The following AKAP13 variants were observed in gnomAD, a reference collection of about 807,000 sequenced individuals.
AKAP13 encodes the protein A-kinase anchor protein 13.
A neutral mutation model predicts 264.5 loss-of-function variants in AKAP13; 80 were observed. The observed-to-expected ratio is 0.30, with a 90% CI of 0.25 to 0.36. The LOEUF (loss-of-function observed/expected upper bound fraction) is 0.36. Among genes scored for constraint, AKAP13 ranks in the 10% least tolerant of loss-of-function variants. AKAP13 has a pLI of 1.00. For synonymous variants in AKAP13, 1,380 were observed against 1,250.2 expected (o/e 1.10, Z -2.19); for missense variants, 3,712 against 3,435.2 (o/e 1.08, Z -2.01).
chr15:85,459,750 C>T (rs1164930277), intron 1 of AKAP13, among the ~76,000 whole-genome samples: 1 of 152,142 alleles, frequency 6.6e-6, no homozygotes, highest in African/African-American at 2.4e-5. Flanking sequence ...CCGCCTGCCT[C>T]AGCCTCCCAA....
chr15:85,675,168 C>T (rs1461884761), intron 14 of AKAP13, among the ~76,000 whole-genome samples: 1 of 152,176 alleles, frequency 6.6e-6, no homozygotes, highest in Non-Finnish European at 1.5e-5. Flanking sequence ...TTTTGTGACA[C>T]ATGAAGGAGA....
intron 1 of AKAP13, among the ~76,000 whole-genome samples, chr15:85,483,047 T>C (rs921387531): frequency 6.6e-5 from 10 of 152,234 alleles, no homozygotes; most frequent in African/African-American, 2.2e-4. Context: ...TAGAGGAGTT[T>C]ATAATTCCGA....
rs147545263 is a variant in AKAP13 at position 85,572,957 on chromosome 15, A to G, written c.663-2174A>G. On this transcript the variant is annotated intron_variant, in intron 5 of 36. Coordinates refer to ENST00000394518, the MANE Select transcript of AKAP13 (RefSeq NM_007200.5). The stretch of plus-strand genomic sequence containing the variant: ...TTCCTGTGTTAGTTTGCTGAGAACG[A>G]TGGTTTCTAGCTTCATCCATTTCTC... Among the ~76,000 whole-genome samples the G allele has an allele frequency of 4.3e-3, 660 of 152,316 alleles. 3 individuals are homozygous for G. Among genetic ancestry groups the G allele is most frequent in the Non-Finnish European group, 6.1e-3 (418 of 68,044 alleles).
chr15:85,525,414 T>G (rs1171343651), intron 3 of AKAP13, among the ~76,000 whole-genome samples: 1 of 152,188 alleles, frequency 6.6e-6, no homozygotes, highest in Non-Finnish European at 1.5e-5. Flanking sequence ...TAGTAATTTT[T>G]GATGAAAACA....
rs550162059 is a variant in AKAP13, at chr15:85,534,067, A to G, written c.478+187A>G. 21 of 593,526 alleles carry G rather than the reference A, an allele frequency of 3.5e-5. No individual in the cohort carries two copies. In the East Asian group the frequency reaches 6.3e-4, roughly 18 times the overall value. The allele number at this position is 593,526 out of a possible 1,614,324, so 36.8% of individuals were successfully genotyped here. A position where few individuals can be genotyped will look rare whatever the true frequency, so the allele number is the denominator to read the frequency against. On this transcript the variant is annotated intron_variant, in intron 4 of 36. Coordinates refer to ENST00000394518, the MANE Select transcript of AKAP13 (RefSeq NM_007200.5). ...AGGTTCTTCAATTGAGCTGTTAAGCATGTTGTTGCAGCGAAATGACCCTAG... is the reference window on the plus strand; with the variant it reads ...AGGTTCTTCAATTGAGCTGTTAAGCGTGTTGTTGCAGCGAAATGACCCTAG...
At chr15:85,503,608 G>A (rs945176065) in intron 2 of AKAP13, among the ~76,000 whole-genome samples, 4 of 152,178 alleles carry the variant, frequency 2.6e-5, no homozygotes, top group Non-Finnish European at 5.9e-5. Flanking sequence ...TGACGATTGT[G>A]CAAACCTGAT....
intron 8 of AKAP13, among the ~76,000 whole-genome samples, chr15:85,637,123 A>T (rs1377495479): frequency 2.0e-5 from 3 of 152,178 alleles, no homozygotes; most frequent in Non-Finnish European, 4.4e-5. Context: ...GTTTTCTTAT[A>T]TCTGTCTGGT....
intron 33 of AKAP13, among the ~76,000 whole-genome samples, chr15:85,736,774 T>C (rs1482983736): frequency 2.0e-5 from 3 of 152,182 alleles, no homozygotes; most frequent in African/African-American, 4.8e-5. Context: ...CTAAGCACAC[T>C]GAGTAGAATT....
intron 30 of AKAP13, among the ~76,000 whole-genome samples, chr15:85,734,166 C>T (rs990721957): frequency 1.3e-5 from 2 of 152,082 alleles, no homozygotes; most frequent in Non-Finnish European, 2.9e-5. Context: ...GTTTTGGTCA[C>T]CTATTTTATG....
At chr15:85,542,250 C>T (rs1453395715) in intron 4 of AKAP13, among the ~76,000 whole-genome samples, 1 of 152,160 alleles carries the variant, frequency 6.6e-6, no homozygotes, top group African/African-American at 2.4e-5. Flanking sequence ...GCTTCTGGGG[C>T]ATAATCTTTC....
At chr15:85,467,980 G>A (rs967571288) in intron 1 of AKAP13, among the ~76,000 whole-genome samples, 3 of 152,144 alleles carry the variant, frequency 2.0e-5, no homozygotes, top group Non-Finnish European at 2.9e-5. Context: ...ACTCAAATTT[G>A]CACATTTTAA....
intron 8 of AKAP13, among the ~76,000 whole-genome samples, chr15:85,631,034 A>G (rs1273254458): frequency 6.6e-6 from 1 of 152,198 alleles, no homozygotes; most frequent in African/African-American, 2.4e-5. Context: ...ATTTCCATCA[A>G]CTGATGCATA....
intron 2 of AKAP13, among the ~76,000 whole-genome samples, chr15:85,503,126 G>C: frequency 6.6e-6 from 1 of 152,078 alleles, no homozygotes; most frequent in East Asian, 1.9e-4. Context: ...CGTGGTAAGG[G>C]GATTAAATGG....
intron 1 of AKAP13, among the ~76,000 whole-genome samples, chr15:85,425,905 A>T (rs953935510): frequency 9.1e-5 from 13 of 143,226 alleles, no homozygotes; most frequent in East Asian, 2.0e-4. Flanking sequence ...AGATCGGTTT[A>T]AAAAAAAAAA....
chr15:85,543,560 A>G lies in AKAP13; in HGVS notation c.479-212A>G, dbSNP rs886100254. On this transcript the variant is annotated intron_variant, in intron 4 of 36. Transcript: ENST00000394518. ...TGTTCGATTGAAGATTTTGCTTCCT[A>G]TACTTTCTATGCTTTTGTAGCTTTG... Among the ~76,000 whole-genome samples the G allele has an allele frequency of 2.6e-5, 4 of 152,080 alleles. No homozygotes were observed. The East Asian group carries it at 7.7e-4, about 29-fold the overall frequency.
intron 4 of AKAP13, among the ~76,000 whole-genome samples, chr15:85,538,390 C>T (rs975575409): frequency 2.0e-5 from 3 of 152,110 alleles, no homozygotes; most frequent in African/African-American, 7.2e-5. Flanking sequence ...CCTGTGTATT[C>T]CCAATTCTAT....
intron 8 of AKAP13, among the ~76,000 whole-genome samples, chr15:85,586,384 T>C (rs934182646): frequency 9.9e-5 from 15 of 151,982 alleles, no homozygotes; most frequent in African/African-American, 2.9e-4. Context: ...TTTTTGTACT[T>C]TTTGTGGAGA....
chr15:85,396,249 T>C (rs1483673144), intron 1 of AKAP13, among the ~76,000 whole-genome samples: 1 of 152,230 alleles, frequency 6.6e-6, no homozygotes, highest in Non-Finnish European at 1.5e-5. Context: ...GTAAAATCTA[T>C]ACAGCTCTTG....
intron 3 of AKAP13, among the ~76,000 whole-genome samples, chr15:85,529,565 T>C (rs1249504589): frequency 6.6e-6 from 1 of 152,182 alleles, no homozygotes; most frequent in Non-Finnish European, 1.5e-5. Flanking sequence ...GGTGTAAAAT[T>C]ATTGAGTCTG....
Sources: allele counts gnomAD v4.1 joint callset (sites outside exome capture counted in the v4.1 genomes callset), GRCh38; gene constraint gnomAD v4.1.1; transcripts MANE v1.5; gene names NCBI Gene and HGNC (gene_info 2026-07-23, HGNC 2026-07-21).